GLP1R: variants seen among roughly 807,000 people sequenced by gnomAD.
The protein encoded by GLP1R is glucagon-like peptide 1 receptor.
A neutral mutation model predicts 68.4 loss-of-function variants in GLP1R; 32 were observed. The ratio of observed to expected loss-of-function variants is 0.47; its 90% CI spans 0.35 to 0.63. The LOEUF (loss-of-function observed/expected upper bound fraction) is 0.63. Ranked by LOEUF, GLP1R falls within the 20% of genes least tolerant of loss-of-function variation. GLP1R has a pLI of 0.00. For synonymous variants in GLP1R, 263 were observed against 244.4 expected, an observed-to-expected ratio of 1.08 and a Z score of -0.71; for missense variants, 502 against 594.9, an observed-to-expected ratio of 0.84 and a Z score of 1.62.
In GLP1R at chr6:39,066,354, G is replaced by T. The variant is rs1182036646; in HGVS notation, c.509+51G>T. 6 of 978,432 alleles carry T rather than the reference G, an allele frequency of 6.1e-6. No individual in the cohort carries two copies. In the Admixed American group the frequency reaches 1.1e-4, roughly 18 times the overall value. 60.6% of individuals were successfully genotyped at this position (978,432 alleles called of 1,614,324 possible). On this transcript the variant is annotated intron_variant, in intron 5 of 12. Coordinates refer to ENST00000373256, the MANE Select transcript of GLP1R (RefSeq NM_002062.5). Reference sequence around the variant, plus strand: ...GGGCTGCTTCATCCTAACTCCCCCAGATAGAGGAATGAAGCAGCCCAACAC... The same window carrying T: ...GGGCTGCTTCATCCTAACTCCCCCATATAGAGGAATGAAGCAGCCCAACAC...
intron 2 of GLP1R, among the ~76,000 whole-genome samples, chr6:39,057,092 T>C (rs1263806107): frequency 1.3e-5 from 2 of 152,210 alleles, no homozygotes; most frequent in African/African-American, 4.8e-5. Context: ...AGAAGGAAGG[T>C]AAGCTAACAT....
intron 1 of GLP1R, among the ~76,000 whole-genome samples, chr6:39,050,056 C>A (rs1209810983): frequency 1.3e-5 from 2 of 152,178 alleles, no homozygotes; most frequent in Non-Finnish European, 2.9e-5. Context: ...GACAGACATA[C>A]CTCTCAGCTA....
chr6:39,066,386 A>G (rs1583629148), intron 5 of GLP1R, 83 bp downstream of exon 5: 1 of 731,590 alleles, frequency 1.4e-6, no homozygotes, highest in East Asian at 2.5e-5. Flanking sequence ...ACACCAAATC[A>G]AAGCAACAGT....
intron 1 of GLP1R, among the ~76,000 whole-genome samples, chr6:39,051,204 G>A (rs1768079815): frequency 6.6e-6 from 1 of 152,172 alleles, no homozygotes; most frequent in Non-Finnish European, 1.5e-5. Flanking sequence ...GTGATCTGGA[G>A]TTGGACACTT....
Position 39,090,493 on chromosome 6 carries a change from C to G in GLP1R, c.*4420C>G, listed in dbSNP as rs1232730231. Among the ~76,000 whole-genome samples, 1 of 152,164 alleles carries G rather than the reference C, an allele frequency of 6.6e-6. No homozygotes were observed. Among genetic ancestry groups the G allele is most frequent in the Non-Finnish European group, 1.5e-5 (1 of 68,032 alleles). ...GCTGCCTCAGGAATAGGTGACCCTG[C>G]TGGCCATACTGTGAATGCTGTTCTT... On this transcript the variant is annotated 3_prime_UTR_variant, in exon 13 of 13. Transcript: ENST00000373256.
In GLP1R at chr6:39,073,851, C is replaced by T. The variant is rs114247779; in HGVS notation, c.823+82C>T. 1.9e-3 allele frequency: 2,515 copies of T among 1,311,354 alleles called. 44 individuals are homozygous for T. In the African/African-American group the frequency reaches 0.03, roughly 16 times the overall value. The allele number at this position is 1,311,354 out of a possible 1,614,324, so 81.2% of individuals were successfully genotyped here. On this transcript the variant is annotated intron_variant, in intron 7 of 12. Transcript: ENST00000373256. ...CCCTCTTCTAACATGGTACTTGGAA[C>T]GCACTGCTGAGCAAGGGGCAAGGCC...
rs1769134152 is a variant in GLP1R, at chr6:39,085,974, C to T, written c.1293C>T (p.Ser431=). 1.2e-6 allele frequency: 2 copies of T among 1,613,872 alleles called. No individual in the cohort carries two copies. The highest frequency in any genetic ancestry group is 2.7e-5 in the African/African-American group (2 of 74,896). Residue 431 remains serine (S), a synonymous_variant, in exon 13 of 13, where the codon AGC becomes AGT. Transcript: ENST00000373256. ...AGCACTTGCACATCCAGAGGGACAG[C>T]AGCATGAAGCCCCTCAAGTGTCCCA... ...RLEHLHIQRD[S]SMKPLKCPTS...
At chr6:39,068,095 T>C (rs1768562969) in intron 5 of GLP1R, among the ~76,000 whole-genome samples, 1 of 152,144 alleles carries the variant, frequency 6.6e-6, no homozygotes, top group Non-Finnish European at 1.5e-5. Flanking sequence ...TTTATTTTTT[T>C]ATCTGGAAAA....
intron 3 of GLP1R, among the ~76,000 whole-genome samples, chr6:39,065,268 G>A (rs1184478872): frequency 6.6e-6 from 1 of 152,202 alleles, no homozygotes; most frequent in Non-Finnish European, 1.5e-5. Context: ...TGGGCACTGA[G>A]TCCTAAAAAT....
At chr6:39,055,030 C>G (rs544268429) in intron 1 of GLP1R, among the ~76,000 whole-genome samples, 4 of 152,134 alleles carry the variant, frequency 2.6e-5, no homozygotes, top group Non-Finnish European at 5.9e-5. Flanking sequence ...TTCAGGGTAG[C>G]CCCTGCCGCC....
At chr6:39,066,835 G>A (rs540924554) in intron 5 of GLP1R, among the ~76,000 whole-genome samples, 1 of 152,150 alleles carries the variant, frequency 6.6e-6, no homozygotes, top group East Asian at 1.9e-4. Context: ...GGGGCCAGGG[G>A]GACTGGGTTC....
chr6:39,083,112 G>T lies in GLP1R; in HGVS notation c.1224+2373G>T, dbSNP rs372504567. On this transcript the variant is annotated intron_variant, in intron 12 of 12. Coordinates refer to ENST00000373256, the MANE Select transcript of GLP1R (RefSeq NM_002062.5). Reference sequence around the variant, plus strand: ...AAAAAACTTGATCCTGAATCACCAGGGTTGCACCTCTCTGACCAGGCCTGG... The same window carrying T: ...AAAAAACTTGATCCTGAATCACCAGTGTTGCACCTCTCTGACCAGGCCTGG... 4.6e-5 allele frequency among the ~76,000 whole-genome samples: 7 copies of T among 152,266 alleles called. No homozygotes were observed. In the East Asian group the frequency reaches 9.7e-4, roughly 21 times the overall value.
At chr6:39,081,505 G>T (rs1285450121) in intron 12 of GLP1R, among the ~76,000 whole-genome samples, 5 of 152,188 alleles carry the variant, frequency 3.3e-5, no homozygotes, top group African/African-American at 1.2e-4. Context: ...CCCTGAGATG[G>T]TCAGCTCCTG....
rs1211836033 is a variant in GLP1R at position 39,049,927 on chromosome 6, AC to A, written c.78+1014del. ...GTTCTTCCTATCACCTCCCACTGCT[AC>A]CCCCAGACCTAAAGAACTGAGATCT... On this transcript the variant is annotated intron_variant, in intron 1 of 12. Transcript: ENST00000373256. The surrounding 1 kb of genome is among the most constrained non-coding windows in gnomAD (Gnocchi z 4.5). Among the ~76,000 whole-genome samples, 1 of 151,986 alleles carries A rather than the reference AC, an allele frequency of 6.6e-6. No individual in the cohort carries two copies. Among genetic ancestry groups the A allele is most frequent in the Non-Finnish European group, 1.5e-5 (1 of 67,980 alleles).
At chr6:39,066,483 T>A (rs112906644) in intron 5 of GLP1R, among the ~76,000 whole-genome samples, 180 bp downstream of exon 5, 53 of 152,328 alleles carry the variant, frequency 3.5e-4, no homozygotes, top group African/African-American at 1.2e-3. Flanking sequence ...TGATACTGTG[T>A]TCTTGGTCTA....
chr6:39,085,098 T>C (rs1769110749), intron 12 of GLP1R, among the ~76,000 whole-genome samples: 1 of 151,926 alleles, frequency 6.6e-6, no homozygotes, highest in Admixed American at 6.6e-5. Context: ...CCAGAATCAC[T>C]GGCCACCACC....
chr6:39,051,895 G>T (rs1288010045), intron 1 of GLP1R, among the ~76,000 whole-genome samples: 1 of 126,968 alleles, frequency 7.9e-6, no homozygotes, highest in African/African-American at 3.7e-5. Context: ...GTGTGTGTGT[G>T]GGGGGGGGGG....
At chr6:39,053,943 C>T (rs913941721) in intron 1 of GLP1R, among the ~76,000 whole-genome samples, 5 of 152,160 alleles carry the variant, frequency 3.3e-5, no homozygotes, top group African/African-American at 1.2e-4. Context: ...CTCCTCTGCT[C>T]TCCGGAGCAC....
rs778762355 is a variant in GLP1R, at chr6:39,056,392, C to G, written c.79-5C>G. ...ACAGGCCTCCCATATATGCCCTCCC[C>G]CCAGGGTGCCACTGTGTCCCTCTGG... On this transcript the variant is annotated splice_region_variant and splice_polypyrimidine_tract_variant and intron_variant, in intron 1 of 12. Transcript: ENST00000373256. 10 of 1,550,958 alleles carry G rather than the reference C, an allele frequency of 6.4e-6. No homozygotes were observed. The highest frequency in any genetic ancestry group is 8.9e-6 in the Non-Finnish European group (10 of 1,123,188).
Sources: allele counts gnomAD v4.1 joint callset (sites outside exome capture counted in the v4.1 genomes callset), GRCh38; gene constraint gnomAD v4.1.1; non-coding constraint Gnocchi (gnomAD v3.1); transcripts MANE v1.5; gene names NCBI Gene and HGNC (gene_info 2026-07-23, HGNC 2026-07-21).